Variants in RARS2 observed in about 807,000 individuals in gnomAD.
RARS2 encodes probable arginine--tRNA ligase, mitochondrial.
RARS2 carries 67 observed loss-of-function variants against 88.5 expected under a neutral mutation model. The observed-to-expected ratio is 0.76, with a 90% CI of 0.62 to 0.93. The LOEUF is 0.93. RARS2 is among the 40% of genes least tolerant of loss of function. The pLI is 0.00. For missense variants in RARS2, 664 were observed against 684.2 expected (o/e 0.97, Z 0.33); for synonymous variants, 239 against 230.3 (o/e 1.04, Z -0.34).
chr6:87,537,359 T>C (rs1180957816), intron 8 of RARS2, among the ~76,000 whole-genome samples: 1 of 152,254 alleles, frequency 6.6e-6, no homozygotes, highest in Non-Finnish European at 1.5e-5. Flanking sequence ...GGACATTCAC[T>C]GCATAGAGCA....
At chr6:87,583,040 A>C (rs999307529) in intron 1 of RARS2, among the ~76,000 whole-genome samples, 3 of 152,238 alleles carry the variant, frequency 2.0e-5, no homozygotes, top group African/African-American at 7.2e-5. Context: ...TGAATCTGAT[A>C]ACTGTACTAT....
intron 1 of RARS2, 54 bp downstream of exon 1, chr6:87,589,868 C>T: frequency 6.2e-7 from 1 of 1,614,134 alleles, no homozygotes; most frequent in Non-Finnish European, 8.5e-7. Context: ...CGGTGAAAGG[C>T]CTTTGGGGTC....
intron 5 of RARS2, among the ~76,000 whole-genome samples, chr6:87,554,966 TG>T (rs529326715): frequency 3.9e-4 from 60 of 152,086 alleles, no homozygotes; most frequent in Admixed American, 1.3e-3. Flanking sequence ...TAGCCAGGTA[TG>T]GTGGCGGGCG....
intron 16 of RARS2, 135 bp downstream of exon 16, chr6:87,518,492 AAAG>A (rs1562053985): frequency 9.4e-6 from 12 of 1,279,826 alleles, no homozygotes; most frequent in African/African-American, 1.5e-5. Context: ...TTTTTTCCTA[AAAG>A]AAGGTCTACT....
At chr6:87,553,341 C>G (rs187775345) in intron 5 of RARS2, among the ~76,000 whole-genome samples, 19 of 152,002 alleles carry the variant, frequency 1.2e-4, no homozygotes, top group Admixed American at 1.1e-3. Flanking sequence ...GCCTGAAATA[C>G]CCCTCTCTCC....
At chr6:87,565,189 C>T (rs976989007) in intron 2 of RARS2, among the ~76,000 whole-genome samples, 5 of 152,160 alleles carry the variant, frequency 3.3e-5, no homozygotes, top group African/African-American at 4.8e-5. Context: ...GGTCTCTTTA[C>T]CTCTTCTACA....
intron 4 of RARS2, 57 bp from the exon 5 acceptor site, chr6:87,555,562 CTG>C (rs1417407753): frequency 8.4e-6 from 11 of 1,316,538 alleles, no homozygotes; most frequent in African/African-American, 1.5e-5. Context: ...TTTAATTACT[CTG>C]TTACTGAGAA....
intron 8 of RARS2, among the ~76,000 whole-genome samples, chr6:87,534,891 T>C (rs937438009): frequency 6.6e-6 from 1 of 152,238 alleles, no homozygotes; most frequent in Admixed American, 6.5e-5. Context: ...CAGCTAATGT[T>C]TGTCACACAA....
rs138396485 is a variant in RARS2 at position 87,585,710 on chromosome 6, C to T, written c.36+4212G>A. ...TCACGCCATTGCACTCTAGCCCGGA[C>T]GACTGAGCAAGACTCCATCTCAAAA... On this transcript the variant is annotated intron_variant, in intron 1 of 19. Transcript: ENST00000369536. Among the ~76,000 whole-genome samples the T allele has an allele frequency of 5.1e-4, 78 of 151,562 alleles. No homozygotes were observed. In the East Asian group the frequency reaches 0.011, roughly 21 times the overall value.
chr6:87,542,313 C>T (rs1043433760), intron 7 of RARS2, among the ~76,000 whole-genome samples: 2 of 152,118 alleles, frequency 1.3e-5, no homozygotes, highest in Admixed American at 1.3e-4. Context: ...CCCTAGCAGA[C>T]ATTAAAAAAT....
rs572342623 is a variant in RARS2 at position 87,540,639 on chromosome 6, G to C, written c.612+1279C>G. ...CAGAACATGTTTAGTCTGATCCCCT[G>C]ATCTGTCACCAATATGGCTGACTTC... is the stretch of plus-strand genomic sequence containing the variant. On this transcript the variant is annotated intron_variant, in intron 8 of 19. Transcript: ENST00000369536. Among the ~76,000 whole-genome samples the C allele has an allele frequency of 5.3e-5, 8 of 152,146 alleles. No homozygotes were observed. In the East Asian group the frequency reaches 1.4e-3, roughly 26 times the overall value.
chr6:87,542,734 G>T (rs67978476), intron 7 of RARS2, among the ~76,000 whole-genome samples: 16,139 of 148,028 alleles, frequency 0.11, 917 homozygotes, highest in East Asian at 0.16. Flanking sequence ...CAGTCTGGGA[G>T]TATGTAGACT....
chr6:87,515,027 C>T lies in RARS2; in HGVS notation c.1587-7G>A, dbSNP rs1430102732. On this transcript the variant is annotated splice_region_variant and splice_polypyrimidine_tract_variant and intron_variant, in intron 18 of 19. Transcript: ENST00000369536. ...TGCCACAGCTGCAAGATGACTGAAACAGGAAGAGAGAAATCACGATAGTAC... is the reference window on the plus strand; with the variant it reads ...TGCCACAGCTGCAAGATGACTGAAATAGGAAGAGAGAAATCACGATAGTAC... 3 of 1,609,340 alleles carry T rather than the reference C, an allele frequency of 1.9e-6. No homozygotes were observed. The African/African-American group carries it at 4.0e-5, about 21-fold the overall frequency.
intron 7 of RARS2, among the ~76,000 whole-genome samples, chr6:87,543,972 C>T (rs1488692893): frequency 1.3e-5 from 2 of 152,126 alleles, no homozygotes; most frequent in Non-Finnish European, 2.9e-5. Flanking sequence ...AAAACTAATT[C>T]TGTGCTTAGA....
chr6:87,579,715 G>GTTTTTT (rs35014020), intron 1 of RARS2, among the ~76,000 whole-genome samples: 5 of 60,470 alleles, frequency 8.3e-5, no homozygotes, highest in Non-Finnish European at 1.1e-4. Context: ...CATAGAGCAT[G>GTTTTTT]TTTTTTTTTT....
chr6:87,581,151 T>C (rs1236418093), intron 1 of RARS2, among the ~76,000 whole-genome samples: 3 of 152,198 alleles, frequency 2.0e-5, no homozygotes, highest in Non-Finnish European at 2.9e-5. Context: ...AGATAGGTAC[T>C]AAATTCAGCT....
At chr6:87,520,432 T>C (rs1043876614) in intron 12 of RARS2, among the ~76,000 whole-genome samples, 176 bp from the exon 13 acceptor site, 5 of 152,290 alleles carry the variant, frequency 3.3e-5, no homozygotes, top group South Asian at 4.1e-4. Flanking sequence ...TGGACTGCTC[T>C]ACAAGGGAGG....
At chr6:87,567,300 G>T (rs1768229540) in intron 2 of RARS2, among the ~76,000 whole-genome samples, 1 of 152,020 alleles carries the variant, frequency 6.6e-6, no homozygotes, top group Non-Finnish European at 1.5e-5. Flanking sequence ...GTGGGTGATG[G>T]GCACACACAG....
At chr6:87,516,909 A>G in intron 17 of RARS2, 29 bp from the exon 18 acceptor site, 1 of 1,612,342 alleles carries the variant, frequency 6.2e-7, no homozygotes, top group Non-Finnish European at 8.5e-7. Flanking sequence ...AGTGAACAGG[A>G]AAAGACTGTA....
Sources: gnomAD v4.1 joint callset for allele counts (sites outside exome capture counted in the v4.1 genomes callset) on GRCh38, gnomAD v4.1.1 for gene constraint, MANE v1.5 for transcripts, NCBI Gene and HGNC (gene_info 2026-07-23, HGNC 2026-07-21) for gene names.